TJP2: variants seen among roughly 807,000 people sequenced by gnomAD.
The protein encoded by TJP2 is Friedreich ataxia region gene X104 (tight junction protein ZO-2).
In TJP2, 91 loss-of-function variants were observed where a neutral mutation model predicts 133.1. The ratio of observed to expected loss-of-function variants is 0.68; its 90% confidence interval spans 0.58 to 0.81. The LOEUF is 0.81. Ranked by LOEUF, TJP2 falls within the 40% of genes least tolerant of loss-of-function variation. The probability of loss-of-function intolerance (pLI) is 0.00; values close to 1 mark genes in which losing one functional copy is unlikely to be tolerated. For synonymous variants in TJP2, 592 were observed against 583.4 expected (o/e 1.01, Z -0.21); for missense variants, 1,541 against 1,565.6 (o/e 0.98, Z 0.26).
At chr9:69,170,668 C>A (rs910795553), upstream of TJP2, among the ~76,000 whole-genome samples, 2 of 152,188 alleles carry the variant, frequency 1.3e-5, no homozygotes, top group South Asian at 2.1e-4. Flanking sequence ...TAATTGACCT[C>A]CTCGAAATTC....
chr9:69,254,830 G>T lies in TJP2; in HGVS notation c.*456G>T. The T allele has an allele frequency of 2.2e-6, 1 of 457,382 alleles. No homozygotes were observed. Among genetic ancestry groups the T allele is most frequent in the Non-Finnish European group, 3.8e-6 (1 of 261,604 alleles). 28.3% of individuals were successfully genotyped at this position (457,382 alleles called of 1,614,324 possible). A position where few individuals can be genotyped will look rare whatever the true frequency, so the allele number is the denominator to read the frequency against. ...GTACTTTATTGCAACTCTTTTAAGT[G>T]CCTTGGATGAGAAGTGTCTTAAATT... On this transcript the variant is annotated 3_prime_UTR_variant, in exon 23 of 23. Transcript: ENST00000377245.
chr9:69,145,161 AAGG>A (rs2133308453), intron 1 of TJP2, among the ~76,000 whole-genome samples: 1 of 152,348 alleles, frequency 6.6e-6, no homozygotes, highest in East Asian at 1.9e-4. Flanking sequence ...TGACCCAAGC[AAGG>A]AGTTTATAGT....
intron 1 of TJP2, among the ~76,000 whole-genome samples, chr9:69,203,607 A>ATTTTTT (rs754221310): frequency 0.011 from 723 of 67,806 alleles, 96 homozygotes; most frequent in East Asian, 0.021. Context: ...CCCAGCCTGG[A>ATTTTTT]TTTTTTTTTT....
chr9:69,145,121 A>G (rs1823157749), intron 1 of TJP2, among the ~76,000 whole-genome samples: 1 of 152,182 alleles, frequency 6.6e-6, no homozygotes, highest in Non-Finnish European at 1.5e-5. Flanking sequence ...AACCCACCAA[A>G]TTGTTTCTTA....
Position 69,221,215 on chromosome 9 carries a change from G to C in TJP2, c.671G>C (p.Gly224Ala), listed in dbSNP as rs533518864. The C allele has an allele frequency of 2.6e-5, 42 of 1,604,246 alleles. No homozygotes were observed. The highest frequency in any genetic ancestry group is 3.6e-5 in the Non-Finnish European group (42 of 1,175,754). ...DRSRGRSLER[G>A]LDHDFGPSRD... The stretch of plus-strand genomic sequence containing the variant: ...AGCCGTGGCCGGAGCCTGGAGCGGG[G>C]CCTGGACCACGACTTTGGGCCATCC... The change falls in exon 5 of 23, where the codon GGC (glycine) becomes GCC (alanine). Residue 224 changes from glycine to alanine, a missense_variant. By Grantham distance (60) the Gly-to-Ala change is moderately conservative. Transcript: ENST00000377245.
intron 1 of TJP2, among the ~76,000 whole-genome samples, chr9:69,137,002 G>C (rs1410406741): frequency 1.3e-5 from 2 of 152,358 alleles, no homozygotes; most frequent in Middle Eastern, 6.8e-3. Context: ...TCCACTTCCA[G>C]AAGGCACTGA....
intron 19 of TJP2, 61 bp from the exon 20 acceptor site, chr9:69,249,314 C>G: frequency 6.4e-7 from 1 of 1,555,360 alleles, no homozygotes; most frequent in Non-Finnish European, 8.7e-7. Context: ...CCAAAGCAGT[C>G]GAGTGCTCTG....
rs1193567574 is a variant in TJP2 at position 69,123,235 on chromosome 9, T to C, written c.-131+1510T>C. ...CTACAGCCGCATGGGTTAGAGCACC[T>C]GCACCCCAGGGTGACAGGATATGTG... On this transcript the variant is annotated intron_variant, in intron 1 of 5. Transcript: ENST00000423935. Among the ~76,000 whole-genome samples, 2 of 16,574 alleles carry C rather than the reference T, an allele frequency of 1.2e-4. 1 individual carries two copies. The highest frequency in any genetic ancestry group is 2.9e-4 in the African/African-American group (2 of 7,016). The allele number at this position is 16,574 out of a possible 152,430, so 10.9% of individuals were successfully genotyped here.
chr9:69,174,235 G>A (rs1824877041), upstream of TJP2: 3 of 1,495,440 alleles, frequency 2.0e-6, no homozygotes, highest in Admixed American at 2.1e-5. Flanking sequence ...ACAAAGGGGT[G>A]GGTCCCCGCG....
chr9:69,247,329 A>G (rs1357420004), intron 18 of TJP2, among the ~76,000 whole-genome samples: 1 of 152,188 alleles, frequency 6.6e-6, no homozygotes. Flanking sequence ...TAGCTCACAC[A>G]CAGCTGTGCT....
chr9:69,244,753 G>T (rs1830810596), intron 17 of TJP2, among the ~76,000 whole-genome samples: 1 of 152,206 alleles, frequency 6.6e-6, no homozygotes, highest in African/African-American at 2.4e-5. Context: ...TGAGTTGGAT[G>T]TTACTTTTAT....
At chr9:69,233,890 C>T (rs917250075) in intron 11 of TJP2, among the ~76,000 whole-genome samples, 2 of 152,240 alleles carry the variant, frequency 1.3e-5, no homozygotes, top group African/African-American at 4.8e-5. Context: ...TGATACATAC[C>T]TTTCAATTTT....
chr9:69,170,847 C>G (rs530951745), upstream of TJP2, among the ~76,000 whole-genome samples: 177 of 152,272 alleles, frequency 1.2e-3, no homozygotes, highest in Non-Finnish European at 1.9e-3. Flanking sequence ...GAGTCCTGTC[C>G]TTAGTCCTCT....
chr9:69,227,084 T>G (rs954834031), intron 7 of TJP2, among the ~76,000 whole-genome samples: 1 of 152,136 alleles, frequency 6.6e-6, no homozygotes, highest in Non-Finnish European at 1.5e-5. Flanking sequence ...CAGAGAAGTT[T>G]AGAAAATATT....
intron 1 of TJP2, among the ~76,000 whole-genome samples, chr9:69,187,535 A>G (rs1825936367): frequency 6.6e-6 from 1 of 152,242 alleles, no homozygotes; most frequent in Admixed American, 6.5e-5. Context: ...TAAGCAACAT[A>G]AGCTTTTTGA....
Position 69,174,407 on chromosome 9 carries a change from G to T in TJP2, c.35G>T (p.Arg12Leu). The T allele has an allele frequency of 6.4e-7, 1 of 1,551,840 alleles. No individual in the cohort carries two copies. The highest frequency in any genetic ancestry group is 8.7e-7 in the Non-Finnish European group (1 of 1,147,130). The change falls in exon 1 of 23, where the codon CGG (arginine) becomes CTG (leucine). Residue 12 changes from arginine (R) to leucine (L), a missense_variant. By Grantham distance (102) the Arg-to-Leu change is moderately radical. Coordinates refer to ENST00000377245, the MANE Select transcript of TJP2 (RefSeq NM_004817.4). ...CGAGGAGACCGCGGGTTTCCACCCC[G>T]GCGGGAGCTGTCAGGTTGGCTCCGC... ...PVRGDRGFPP[R>L]RELSGWLRAP...
intron 5 of TJP2, among the ~76,000 whole-genome samples, chr9:69,224,637 C>G (rs1829190979): frequency 6.6e-6 from 1 of 151,946 alleles, no homozygotes; most frequent in African/African-American, 2.4e-5. Flanking sequence ...AGATCATGCC[C>G]CTGCACTCCA....
intron 2 of TJP2, among the ~76,000 whole-genome samples, chr9:69,213,633 G>A (rs1021146950): frequency 6.6e-6 from 1 of 152,238 alleles, no homozygotes; most frequent in Non-Finnish European, 1.5e-5. Flanking sequence ...CCAGTGCCCA[G>A]GTACCCAGAC....
chr9:69,242,486 G>A (rs565220603), intron 17 of TJP2, among the ~76,000 whole-genome samples: 3 of 152,220 alleles, frequency 2.0e-5, no homozygotes, highest in Non-Finnish European at 4.4e-5. Flanking sequence ...AATAACTCAA[G>A]TCAGAGATTG....
Sources: allele counts gnomAD v4.1 joint callset (sites outside exome capture counted in the v4.1 genomes callset), GRCh38; gene constraint gnomAD v4.1.1; transcripts MANE v1.5; gene names NCBI Gene and HGNC (gene_info 2026-07-23, HGNC 2026-07-21).